HOOK3: variants seen among roughly 807,000 people sequenced by gnomAD.
The protein encoded by HOOK3 is protein Hook homolog 3.
A neutral mutation model predicts 116.3 loss-of-function variants in HOOK3; 24 were observed. The observed-to-expected ratio is 0.21, with a 90% CI of 0.15 to 0.29. HOOK3 has a LOEUF of 0.29. Among genes scored for constraint, HOOK3 ranks in the 10% least tolerant of loss-of-function variants. HOOK3 has a pLI of 1.00. For missense variants in HOOK3, 632 were observed against 830.2 expected, an observed-to-expected ratio of 0.76 and a Z score of 2.93; for synonymous variants, 275 against 283.0, an observed-to-expected ratio of 0.97 and a Z score of 0.28.
At chr8:42,934,177 G>A (rs1029926821) in intron 4 of HOOK3, among the ~76,000 whole-genome samples, 6 of 151,364 alleles carry the variant, frequency 4.0e-5, no homozygotes, top group Non-Finnish European at 7.4e-5. Flanking sequence ...CCTTTCTCTC[G>A]TTTTTTCTCT....
At chr8:42,940,688 T>C (rs1020859108) in intron 4 of HOOK3, among the ~76,000 whole-genome samples, 2 of 152,226 alleles carry the variant, frequency 1.3e-5, no homozygotes, top group Non-Finnish European at 2.9e-5. Context: ...AACATTTTTT[T>C]CTTCATTTCA....
intron 21 of HOOK3, among the ~76,000 whole-genome samples, chr8:43,017,623 C>T (rs1809748403): frequency 6.6e-6 from 1 of 152,076 alleles, no homozygotes; most frequent in Non-Finnish European, 1.5e-5. Context: ...CAAAAAACTG[C>T]TTTTTTCCTG....
chr8:42,932,345 A>C (rs7016659), intron 4 of HOOK3, among the ~76,000 whole-genome samples: 1 of 152,062 alleles, frequency 6.6e-6, no homozygotes, highest in South Asian at 2.1e-4. Flanking sequence ...TGCCTATTAC[A>C]TAAAAAAAAA....
chr8:42,906,149 C>CG (rs200070946), intron 1 of HOOK3, 24 bp from the exon 2 acceptor site: 19,513 of 1,046,864 alleles, frequency 0.019, 2,022 homozygotes, highest in Non-Finnish European at 0.022. Context: ...AATCTCTCCC[C>CG]CCCCCCTCTT....
intron 13 of HOOK3, among the ~76,000 whole-genome samples, chr8:42,982,227 C>T (rs1209318079): frequency 2.1e-5 from 3 of 145,896 alleles, no homozygotes; most frequent in Admixed American, 1.4e-4. Context: ...TGCATTCCAG[C>T]CTGGGCAACA....
At chr8:42,955,318 G>A (rs1314191704) in intron 6 of HOOK3, among the ~76,000 whole-genome samples, 1 of 152,182 alleles carries the variant, frequency 6.6e-6, no homozygotes, top group Non-Finnish European at 1.5e-5. Flanking sequence ...TCTTGAGTGT[G>A]TGTGCATGTT....
rs59033055 is a variant in HOOK3 at position 42,990,325 on chromosome 8, CTTTTTTTTTTTTTTTTTTTTTTT to C, written c.1532+3545_1532+3567del. Among the ~76,000 whole-genome samples the C allele has an allele frequency of 2.6e-4, 10 of 37,902 alleles. No individual in the cohort carries two copies. In the East Asian group the frequency reaches 5.8e-3, roughly 22 times the overall value. The allele number at this position is 37,902 out of a possible 152,430, so 24.9% of individuals were successfully genotyped here. A position where few individuals can be genotyped will look rare whatever the true frequency, so the allele number is the denominator to read the frequency against. On this transcript the variant is annotated intron_variant, in intron 15 of 21. Transcript: ENST00000307602. ...TTGAGAAATAAATATCTGTTTAGAT[CTTTTTTTTTTTTTTTTTTTTTTT>C]TTTTTTTTTTTTTTGAGGATCTCAC...
At chr8:42,903,840 C>G (rs1349720137) in intron 1 of HOOK3, among the ~76,000 whole-genome samples, 2 of 151,654 alleles carry the variant, frequency 1.3e-5, no homozygotes, top group African/African-American at 4.8e-5. Context: ...CCTGTATTCC[C>G]AGCTACTCGG....
intron 3 of HOOK3, among the ~76,000 whole-genome samples, chr8:42,927,552 G>A (rs972280756): frequency 6.6e-6 from 1 of 152,074 alleles, no homozygotes; most frequent in African/African-American, 2.4e-5. Context: ...CACTGTGCCC[G>A]GCCGGCCCTG....
rs186447244 is a variant in HOOK3 at position 42,942,720 on chromosome 8, A to C, written c.268-593A>C. Among the ~76,000 whole-genome samples the C allele has an allele frequency of 1.5e-3, 230 of 152,314 alleles. 3 individuals carry two copies. The highest frequency in any genetic ancestry group is 2.7e-3 in the Non-Finnish European group (185 of 68,024). On this transcript the variant is annotated intron_variant, in intron 4 of 21. Coordinates refer to ENST00000307602, the MANE Select transcript of HOOK3 (RefSeq NM_032410.4). ...GGTTGTTGACATTTAAAAGTAAACC[A>C]CTATCAAAAGCTGATTGGAATCTGA...
At position 43,026,304 on chromosome 8, in the gene HOOK3, C is replaced by T. The variant is rs1586640565; in HGVS notation, c.*7806C>T. The T allele has an allele frequency of 5.2e-6, 1 of 192,518 alleles. No individual in the cohort carries two copies. Among genetic ancestry groups the T allele is most frequent in the East Asian group, 8.3e-5 (1 of 12,104 alleles). The allele number at this position is 192,518 out of a possible 1,614,324, so 11.9% of individuals were successfully genotyped here. A position where few individuals can be genotyped will look rare whatever the true frequency, so the allele number is the denominator to read the frequency against. ...AGTATCTTAATATTATTTACTGTTA[C>T]TTCTAGTCATTTATGTAGTATATTT... On this transcript the variant is annotated 3_prime_UTR_variant, in exon 22 of 22. Transcript: ENST00000307602.
At position 43,030,262 on chromosome 8, in the gene HOOK3, G is replaced by A; in HGVS notation, c.*11764G>A. On this transcript the variant is annotated 3_prime_UTR_variant, in exon 22 of 22. Transcript: ENST00000307602. ...TAAAATCACAAAAACATAAAGTCCAGGAAACCACCAGAAGATGGATTTTTA... is the reference window on the plus strand; with the variant it reads ...TAAAATCACAAAAACATAAAGTCCAAGAAACCACCAGAAGATGGATTTTTA... The A allele has an allele frequency of 5.2e-6, 1 of 192,534 alleles. No homozygotes were observed. Among genetic ancestry groups the A allele is most frequent in the Non-Finnish European group, 1.1e-5 (1 of 92,170 alleles). 11.9% of individuals were successfully genotyped at this position (192,534 alleles called of 1,614,324 possible).
chr8:43,009,255 A>G (rs762470811), intron 18 of HOOK3, among the ~76,000 whole-genome samples: 1 of 151,294 alleles, frequency 6.6e-6, no homozygotes, highest in African/African-American at 2.4e-5. Flanking sequence ...AAATACAAAA[A>G]ATTAGCCGGG....
At chr8:42,933,974 C>T (rs909986157) in intron 4 of HOOK3, among the ~76,000 whole-genome samples, 1 of 151,978 alleles carries the variant, frequency 6.6e-6, no homozygotes, top group Non-Finnish European at 1.5e-5. Flanking sequence ...TGTTTTATTG[C>T]GCTTGGCACT....
At chr8:43,005,199 C>CTCTATATA (rs151178560) in intron 17 of HOOK3, among the ~76,000 whole-genome samples, 95 of 95,280 alleles carry the variant, frequency 1.0e-3, no homozygotes, top group African/African-American at 3.5e-3. Context: ...CTCTCTCTCT[C>CTCTATATA]TATATATATA....
chr8:42,979,759 G>A (rs1449798718), intron 13 of HOOK3, among the ~76,000 whole-genome samples: 1 of 152,080 alleles, frequency 6.6e-6, no homozygotes, highest in East Asian at 1.9e-4. Context: ...TCTAGACCAA[G>A]CTTGTCAAAC....
intron 17 of HOOK3, among the ~76,000 whole-genome samples, chr8:43,005,912 G>T (rs1809477002): frequency 6.6e-6 from 1 of 151,242 alleles, no homozygotes; most frequent in Non-Finnish European, 1.5e-5. Context: ...GGACAGGCTG[G>T]TCTTGAACTC....
In HOOK3 at chr8:42,981,654, C is replaced by T. The variant is rs181864799; in HGVS notation, c.1322-973C>T. Among the ~76,000 whole-genome samples the T allele has an allele frequency of 4.3e-3, 638 of 149,742 alleles. 3 individuals are homozygous for T. The highest frequency in any genetic ancestry group is 0.015 in the African/African-American group (601 of 40,804). On this transcript the variant is annotated intron_variant, in intron 13 of 21. Coordinates refer to ENST00000307602, the MANE Select transcript of HOOK3 (RefSeq NM_032410.4). ...ATCCCAGCACTTTGGGAGGCTGAGGCGGGCAGATCGCCTTAGGTCAGGAGT... is the reference window on the plus strand; with the variant it reads ...ATCCCAGCACTTTGGGAGGCTGAGGTGGGCAGATCGCCTTAGGTCAGGAGT...
At chr8:42,984,826 C>T (rs1191652251) in intron 14 of HOOK3, among the ~76,000 whole-genome samples, 2 of 152,162 alleles carry the variant, frequency 1.3e-5, no homozygotes, top group Non-Finnish European at 2.9e-5. Flanking sequence ...ATCATTTGAA[C>T]CCAGGAGGCA....
Sources: gnomAD v4.1 joint callset for allele counts (sites outside exome capture counted in the v4.1 genomes callset) on GRCh38, gnomAD v4.1.1 for gene constraint, MANE v1.5 for transcripts, NCBI Gene and HGNC (gene_info 2026-07-23, HGNC 2026-07-21) for gene names.